Variants in ARHGEF9 observed in about 807,000 individuals in gnomAD.
ARHGEF9 encodes rho guanine nucleotide exchange factor 9.
A neutral mutation model predicts 41.3 loss-of-function variants in ARHGEF9; 2 were observed. The ratio of observed to expected loss-of-function variants is 0.05; its 90% CI spans 0.02 to 0.15. The LOEUF (loss-of-function observed/expected upper bound fraction) is 0.15, where lower values mean the gene tolerates loss of function less well. Among genes scored for constraint, ARHGEF9 ranks in the 10% least tolerant of loss-of-function variants. ARHGEF9 has a pLI of 1.00. For missense variants in ARHGEF9, 225 were observed against 424.7 expected, an observed-to-expected ratio of 0.53 and a Z score of 4.13; for synonymous variants, 160 against 154.4, an observed-to-expected ratio of 1.04 and a Z score of -0.27.
At chrX:63,641,855 A>G (rs1335280334) in intron 9 of ARHGEF9, 3 of 111,750 alleles carry the variant, frequency 2.7e-5, no homozygotes, top group Non-Finnish European at 5.6e-5. Context: ...CCATTTAAAC[A>G]GCTGCCAGCA....
chrX:63,668,268 G>A (rs2049708366), intron 6 of ARHGEF9, among the ~76,000 whole-genome samples: 3 of 110,589 alleles, frequency 2.7e-5, no homozygotes, highest in Non-Finnish European at 5.7e-5. Context: ...CAAGTAGCTG[G>A]CATTACAGGC....
intron 8 of ARHGEF9, among the ~76,000 whole-genome samples, chrX:63,647,116 T>A (rs1236878337): frequency 8.9e-6 from 1 of 111,955 alleles, no homozygotes; most frequent in African/African-American, 3.3e-5. Context: ...CTTATCAGTT[T>A]AAGGAGATTT....
chrX:63,734,531 C>T (rs1227014766), intron 1 of ARHGEF9, among the ~76,000 whole-genome samples: 1 of 112,034 alleles, frequency 8.9e-6, no homozygotes, highest in African/African-American at 3.2e-5. Flanking sequence ...AACCAACTGT[C>T]TTAATCTTTC....
chrX:63,685,867 C>T (rs1250910114), intron 4 of ARHGEF9, among the ~76,000 whole-genome samples: 10 of 110,768 alleles, frequency 9.0e-5, no homozygotes, highest in African/African-American at 2.6e-4. Context: ...AGTAGAAAAC[C>T]GTTATGATTT....
chrX:63,760,554 T>C (rs1193022411), intron 1 of ARHGEF9, among the ~76,000 whole-genome samples: 1 of 111,729 alleles, frequency 9.0e-6, no homozygotes, highest in Non-Finnish European at 1.9e-5. Flanking sequence ...TTCAATGTCA[T>C]ACAGTAAGTA....
chrX:63,719,921 G>A (rs142892287), intron 2 of ARHGEF9: 1 of 285,769 alleles, frequency 3.5e-6, no homozygotes, highest in African/African-American at 2.8e-5. Context: ...TTGTGGACAG[G>A]ACAAATAGCA....
chrX:63,644,127 T>A, intron 8 of ARHGEF9, 79 bp from the exon 9 acceptor site: 2 of 659,596 alleles, frequency 3.0e-6, no homozygotes, highest in South Asian at 4.4e-5. Flanking sequence ...AACTTTTCTG[T>A]AAGAAAGATT....
intron 5 of ARHGEF9, among the ~76,000 whole-genome samples, chrX:63,676,949 G>GT (rs1424129667): frequency 8.9e-6 from 1 of 112,172 alleles, no homozygotes; most frequent in Non-Finnish European, 1.9e-5. Flanking sequence ...CTACTGGGCA[G>GT]TCCTGGCATG....
At chrX:63,656,882 A>G (rs1329475907) in intron 7 of ARHGEF9, 1 of 112,360 alleles carries the variant, frequency 8.9e-6, no homozygotes, top group African/African-American at 3.2e-5. Flanking sequence ...GTGGGTACTC[A>G]TTATATTATT....
At chrX:63,702,486 AC>A (rs1368751077) in intron 3 of ARHGEF9, among the ~76,000 whole-genome samples, 1 of 111,278 alleles carries the variant, frequency 9.0e-6, no homozygotes, top group African/African-American at 3.3e-5. Context: ...TCAATTAAAA[AC>A]CCCTTTATTT....
chrX:63,637,474 G>T lies in ARHGEF9; in HGVS notation c.*554C>A, dbSNP rs782356787. 136 of 286,105 alleles carry T rather than the reference G, an allele frequency of 4.8e-4. No individual in the cohort carries two copies. Among genetic ancestry groups the T allele is most frequent in the African/African-American group, 3.3e-3 (120 of 35,932 alleles). 23.6% of individuals were successfully genotyped at this position (286,105 alleles called of 1,213,427 possible). The stretch of plus-strand genomic sequence containing the variant: ...GATAATGATTGGCTGAAGGAGAGGA[G>T]AAAGGAGCTCATTCCCTTCCTCAAT... On this transcript the variant is annotated 3_prime_UTR_variant, in exon 10 of 10. Transcript: ENST00000671741.
chrX:63,692,741 G>T (rs2051435524), intron 4 of ARHGEF9, among the ~76,000 whole-genome samples: 1 of 111,904 alleles, frequency 8.9e-6, no homozygotes, highest in African/African-American at 3.2e-5. Flanking sequence ...CAATATGTCA[G>T]AAGAGATATT....
rs782413744 is a variant in ARHGEF9, at chrX:63,706,209, G to A, written c.402+49C>T. On this transcript the variant is annotated intron_variant, in intron 3 of 9. Coordinates refer to ENST00000671741, the MANE Select transcript of ARHGEF9 (RefSeq NM_001353921.2). Reference sequence around the variant, plus strand: ...GACTGTCACAGGCAGGGCCCAGGAGGGTTGCTGGTTCTTCGTGGAAGTGCC... The same window carrying A: ...GACTGTCACAGGCAGGGCCCAGGAGAGTTGCTGGTTCTTCGTGGAAGTGCC... The A allele has an allele frequency of 4.1e-5, 47 of 1,144,605 alleles. No individual in the cohort carries two copies. In the South Asian group the frequency reaches 8.8e-4, roughly 22 times the overall value. 94.3% of individuals were successfully genotyped at this position (1,144,605 alleles called of 1,213,427 possible).
intron 9 of ARHGEF9, chrX:63,639,367 G>A (rs782150686): frequency 8.9e-6 from 1 of 111,814 alleles, no homozygotes; most frequent in African/African-American, 3.2e-5. Context: ...TTACTAATTT[G>A]ATTTTTTTTA....
intron 2 of ARHGEF9, among the ~76,000 whole-genome samples, chrX:63,722,406 TTTTG>T (rs2147610838): frequency 9.2e-6 from 1 of 108,304 alleles, no homozygotes; most frequent in East Asian, 2.9e-4. Context: ...TCTTGTTGTT[TTTTG>T]TTTTTTTTTT....
chrX:63,770,408 C>G (rs2056184683), intron 1 of ARHGEF9, among the ~76,000 whole-genome samples: 1 of 112,051 alleles, frequency 8.9e-6, no homozygotes, highest in Non-Finnish European at 1.9e-5. Flanking sequence ...AATACCTGTA[C>G]CCCCACTGTA....
At chrX:63,674,479 G>C (rs1180514394) in intron 5 of ARHGEF9, among the ~76,000 whole-genome samples, 10 of 112,139 alleles carry the variant, frequency 8.9e-5, no homozygotes, top group African/African-American at 2.9e-4. Flanking sequence ...AAACCTGAGA[G>C]GAGCGGCTGG....
chrX:63,743,106 T>C (rs1157225485), intron 1 of ARHGEF9, among the ~76,000 whole-genome samples: 1 of 111,419 alleles, frequency 9.0e-6, no homozygotes, highest in African/African-American at 3.3e-5. Context: ...CATGGTGGCG[T>C]GCAGGAGAAT....
chrX:63,776,584 C>T (rs1556458621), intron 1 of ARHGEF9, among the ~76,000 whole-genome samples: 1 of 111,637 alleles, frequency 9.0e-6, no homozygotes, highest in Admixed American at 9.5e-5. Flanking sequence ...TTTGTTGACC[C>T]CTGATCTAAG....
Sources: gnomAD v4.1 joint callset for allele counts (sites outside exome capture counted in the v4.1 genomes callset) on GRCh38, gnomAD v4.1.1 for gene constraint, MANE v1.5 for transcripts, NCBI Gene and HGNC (gene_info 2026-07-23, HGNC 2026-07-21) for gene names.